The following FAM78B variants were observed in gnomAD, a reference collection of about 807,000 sequenced individuals.
FAM78B encodes family with sequence similarity 78 member B.
Under a neutral mutation model 20.0 loss-of-function variants are expected in FAM78B, and 10 were observed. The observed-to-expected ratio is 0.50, with a 90% CI of 0.31 to 0.85. FAM78B has a LOEUF of 0.85. FAM78B is among the 40% of genes least tolerant of loss of function. The pLI, the probability that FAM78B is intolerant of heterozygous loss-of-function variation, is 0.05. For synonymous variants in FAM78B, 135 were observed against 132.8 expected (o/e 1.02, Z -0.12); for missense variants, 283 against 345.0 (o/e 0.82, Z 1.42).
At chr1:166,128,083 AG>A (rs1339000993) in intron 1 of FAM78B, among the ~76,000 whole-genome samples, 5 of 152,250 alleles carry the variant, frequency 3.3e-5, no homozygotes, top group African/African-American at 7.2e-5. Context: ...CCTAAAACAT[AG>A]GAAGTGAAGG....
At chr1:166,059,658 G>C (rs993314080) in exon 3 of FAM78B, 3 of 152,300 alleles carry the variant, frequency 2.0e-5, no homozygotes, top group Non-Finnish European at 4.4e-5. Flanking sequence ...ACTGGTGCAA[G>C]GTGGTTGGGG....
intron 1 of FAM78B, among the ~76,000 whole-genome samples, chr1:166,123,410 T>G (rs1373837504): frequency 2.6e-5 from 4 of 152,248 alleles, no homozygotes; most frequent in Non-Finnish European, 5.9e-5. Flanking sequence ...GGTCAGGCCC[T>G]TGCCACTTCT....
intron 1 of FAM78B, among the ~76,000 whole-genome samples, chr1:166,165,709 C>T (rs1656343571): frequency 6.6e-6 from 1 of 152,168 alleles, no homozygotes; most frequent in South Asian, 2.1e-4. Flanking sequence ...CCTCTCGAAC[C>T]CTCCTTGTCG....
chr1:166,111,467 C>T (rs1654055906), intron 1 of FAM78B, among the ~76,000 whole-genome samples: 8 of 152,214 alleles, frequency 5.3e-5, no homozygotes, highest in Admixed American at 3.9e-4. Context: ...GAGGCTGGAG[C>T]AGCTGTCTAC....
At chr1:166,112,480 T>G (rs1323926208) in intron 1 of FAM78B, among the ~76,000 whole-genome samples, 1 of 152,170 alleles carries the variant, frequency 6.6e-6, no homozygotes, top group African/African-American at 2.4e-5. Context: ...CTCCAAATGC[T>G]GCAAGACCAA....
At chr1:166,058,135 A>C (rs900858046) in exon 3 of FAM78B, 3 of 152,174 alleles carry the variant, frequency 2.0e-5, no homozygotes, top group East Asian at 3.9e-4. Context: ...ATATAAAAGA[A>C]TCTCCCTTAC....
intron 1 of FAM78B, among the ~76,000 whole-genome samples, chr1:166,095,152 G>A (rs549364318): frequency 9.9e-5 from 15 of 152,146 alleles, no homozygotes; most frequent in Non-Finnish European, 1.9e-4. Context: ...TGACAACCCT[G>A]CCCTCAGAGG....
At chr1:166,100,316 A>G (rs1653458385) in intron 1 of FAM78B, among the ~76,000 whole-genome samples, 1 of 152,220 alleles carries the variant, frequency 6.6e-6, no homozygotes, top group Non-Finnish European at 1.5e-5. Flanking sequence ...TACCGGGTTC[A>G]TCTCATTGGG....
At chr1:166,060,918 ATAT>A (rs1460751677) in intron 2 of FAM78B, among the ~76,000 whole-genome samples, 1 of 152,250 alleles carries the variant, frequency 6.6e-6, no homozygotes, top group East Asian at 1.9e-4. Flanking sequence ...CAGGTCATTT[ATAT>A]GTGTAACCCA....
chr1:166,144,599 G>A (rs752151090), intron 1 of FAM78B, among the ~76,000 whole-genome samples: 7 of 152,250 alleles, frequency 4.6e-5, no homozygotes, highest in South Asian at 2.1e-4. Context: ...CAGGGTGGGC[G>A]GAAAGGGGGG....
At position 166,069,480 on chromosome 1, in the gene FAM78B, T is replaced by C. The variant is rs1343825853; in HGVS notation, c.*761A>G. 1 of 152,180 alleles carries C rather than the reference T, an allele frequency of 6.6e-6. No homozygotes were observed. Among genetic ancestry groups the C allele is most frequent in the African/African-American group, 2.4e-5 (1 of 41,440 alleles). The allele number at this position is 152,180 out of a possible 1,614,324, so 9.4% of individuals were successfully genotyped here. A position where few individuals can be genotyped will look rare whatever the true frequency, so the allele number is the denominator to read the frequency against. ...GACAGGGCCCCAAATATCATAACTA[T>C]TGCAGAATGTGGGAATTACAAAGCC... is the stretch of plus-strand genomic sequence containing the variant. On this transcript the variant is annotated 3_prime_UTR_variant, in exon 2 of 2. Coordinates refer to ENST00000354422, the MANE Select transcript of FAM78B (RefSeq NM_001017961.5).
At chr1:166,116,836 C>T (rs986203196) in intron 1 of FAM78B, among the ~76,000 whole-genome samples, 5 of 152,268 alleles carry the variant, frequency 3.3e-5, no homozygotes, top group East Asian at 1.9e-4. Context: ...GCCTCAACAA[C>T]TATCTGTAAA....
At chr1:166,075,441 T>C (rs115482346) in intron 1 of FAM78B, among the ~76,000 whole-genome samples, 1,600 of 152,220 alleles carry the variant, frequency 0.011, 33 homozygotes, top group African/African-American at 0.037. Context: ...GTGTGTGTAA[T>C]CATTCACAGA....
chr1:166,097,660 T>A (rs1228612380), intron 1 of FAM78B, among the ~76,000 whole-genome samples: 2 of 152,082 alleles, frequency 1.3e-5, no homozygotes, highest in Non-Finnish European at 2.9e-5. Flanking sequence ...GGAGCCATAA[T>A]CCTCCTAGGT....
intron 1 of FAM78B, among the ~76,000 whole-genome samples, chr1:166,108,982 A>C (rs1290414331): frequency 6.6e-6 from 1 of 152,112 alleles, no homozygotes; most frequent in East Asian, 1.9e-4. Context: ...CTGGATCCTT[A>C]TTTCTCACCT....
chr1:166,086,825 C>T (rs1652849643), intron 1 of FAM78B, among the ~76,000 whole-genome samples: 1 of 152,084 alleles, frequency 6.6e-6, no homozygotes, highest in Admixed American at 6.5e-5. Context: ...GAGGTGGGGC[C>T]ACACTGTCCA....
chr1:166,126,834 G>C (rs1039229136), intron 1 of FAM78B, among the ~76,000 whole-genome samples: 2 of 152,240 alleles, frequency 1.3e-5, no homozygotes, highest in Non-Finnish European at 2.9e-5. Context: ...ACATAACCAA[G>C]TATTGGAGCT....
rs781002752 is a variant in FAM78B at position 166,070,267 on chromosome 1, G to A, written c.760C>T (p.Pro254Ser). Reference protein sequence around the residue: ...VLMWRPKRGPPLVVIPPK With the variant: ...VLMWRPKRGPSLVVIPPK ...TACTTAGGAGGGATCACAACCAGAG[G>A]TGGCCCCCGCTTGGGCCTCCACATG... is the stretch of plus-strand genomic sequence containing the variant. Residue 254 changes from proline (P) to serine (S), a missense_variant, in exon 2 of 2, where the codon CCT becomes TCT. Pro to Ser is a moderately conservative substitution (Grantham distance 74). Transcript: ENST00000354422. 3 of 1,552,438 alleles carry A rather than the reference G, an allele frequency of 1.9e-6. No homozygotes were observed. The African/African-American group carries it at 4.1e-5, about 21-fold the overall frequency.
chr1:166,100,249 A>C (rs1653455830), intron 1 of FAM78B, among the ~76,000 whole-genome samples: 1 of 152,230 alleles, frequency 6.6e-6, no homozygotes, highest in Non-Finnish European at 1.5e-5. Flanking sequence ...GCTCCAGTAT[A>C]CAGCTCCCAG....
Sources: gnomAD v4.1 joint callset for allele counts (sites outside exome capture counted in the v4.1 genomes callset) on GRCh38, gnomAD v4.1.1 for gene constraint, MANE v1.5 for transcripts, NCBI Gene and HGNC (gene_info 2026-07-23, HGNC 2026-07-21) for gene names.